The following PLXNA4 variants were observed in gnomAD, a reference collection of about 807,000 sequenced individuals.
PLXNA4 encodes the protein plexin A4.
Under a neutral mutation model 191.8 loss-of-function variants are expected in PLXNA4, and 44 were observed. The observed-to-expected ratio is 0.23, with a 90% CI of 0.18 to 0.29. The LOEUF is 0.29. PLXNA4 is among the 10% of genes least tolerant of loss of function. The pLI, the probability that PLXNA4 is intolerant of heterozygous loss-of-function variation, is 1.00. For missense variants in PLXNA4, 1,800 were observed against 2,488.8 expected (o/e 0.72, Z 5.89); for synonymous variants, 1,082 against 1,009.5 (o/e 1.07, Z -1.36).
chr7:132,555,469 C>G (rs760968635), intron 1 of PLXNA4, among the ~76,000 whole-genome samples: 1 of 152,182 alleles, frequency 6.6e-6, no homozygotes, highest in Non-Finnish European at 1.5e-5. Flanking sequence ...AGAAGCAGAA[C>G]TGACAAGCTT....
chr7:132,407,582 C>T (rs566993617), intron 3 of PLXNA4, among the ~76,000 whole-genome samples: 13 of 152,270 alleles, frequency 8.5e-5, no homozygotes, highest in Admixed American at 3.3e-4. Context: ...CCCAGCATGC[C>T]CCCTGGAAAC....
At chr7:132,194,725 G>C (rs571054025) in intron 13 of PLXNA4, among the ~76,000 whole-genome samples, 1 of 152,130 alleles carries the variant, frequency 6.6e-6, no homozygotes, top group Non-Finnish European at 1.5e-5. Flanking sequence ...GTGTGTATGC[G>C]TGTGTGAACT....
chr7:132,226,431 A>G (rs1798325693), intron 7 of PLXNA4, among the ~76,000 whole-genome samples, 171 bp from the exon 8 acceptor site: 1 of 152,222 alleles, frequency 6.6e-6, no homozygotes, highest in South Asian at 2.1e-4. Context: ...GCAGCTGCAG[A>G]GGGCAGTTCT....
chr7:132,562,998 C>T (rs1291298219), intron 1 of PLXNA4, among the ~76,000 whole-genome samples: 2 of 102,026 alleles, frequency 2.0e-5, no homozygotes, highest in Non-Finnish European at 2.0e-5. Context: ...CCTCCTCCTC[C>T]TCCTTCTCCT....
rs148819176 is a variant in PLXNA4, at chr7:132,145,293, A to G, written c.5056-5T>C. ...CACAAACTTCTGCAGTGTGCCCTGG[A>G]GAGGCAGGATACGTCCAGACACAGC... On this transcript the variant is annotated splice_region_variant and splice_polypyrimidine_tract_variant and intron_variant, in intron 28 of 31. Coordinates refer to ENST00000321063, the MANE Select transcript of PLXNA4 (RefSeq NM_020911.2). 5.0e-4 allele frequency: 803 copies of G among 1,614,058 alleles called. 6 individuals are homozygous for G. In the African/African-American group the frequency reaches 9.6e-3, roughly 19 times the overall value.
At chr7:132,513,210 G>A (rs1204841154) in intron 1 of PLXNA4, among the ~76,000 whole-genome samples, 9 of 152,196 alleles carry the variant, frequency 5.9e-5, no homozygotes, top group Admixed American at 3.9e-4. Context: ...TCATGAAATA[G>A]CACCATCCTC....
chr7:132,319,582 CT>C (rs1563032775), intron 3 of PLXNA4, among the ~76,000 whole-genome samples: 1 of 152,214 alleles, frequency 6.6e-6, no homozygotes, highest in African/African-American at 2.4e-5. Flanking sequence ...GTTTCCTACT[CT>C]CCAAACACAT....
chr7:132,354,528 G>A (rs747828067), intron 3 of PLXNA4, among the ~76,000 whole-genome samples: 4 of 152,102 alleles, frequency 2.6e-5, no homozygotes, highest in African/African-American at 7.2e-5. Flanking sequence ...TATCATCAGC[G>A]CTATTTAGCT....
intron 3 of PLXNA4, among the ~76,000 whole-genome samples, chr7:132,315,878 G>C (rs1801925718): frequency 6.6e-6 from 1 of 152,168 alleles, no homozygotes; most frequent in Admixed American, 6.5e-5. Context: ...AGTCAGCTGT[G>C]GTCAGGGCAT....
chr7:132,129,247 C>G lies in PLXNA4; in HGVS notation c.*1232G>C, dbSNP rs1016274895. The G allele has an allele frequency of 1.3e-5, 2 of 152,214 alleles. No individual in the cohort carries two copies. Among genetic ancestry groups the G allele is most frequent in the Admixed American group, 6.5e-5 (1 of 15,284 alleles). The allele number at this position is 152,214 out of a possible 1,614,324, so 9.4% of individuals were successfully genotyped here. On this transcript the variant is annotated 3_prime_UTR_variant, in exon 32 of 32. Coordinates refer to ENST00000321063, the MANE Select transcript of PLXNA4 (RefSeq NM_020911.2). ...AGTCTGTTTCTTTCAAGGATGACTG[C>G]TGAAGAGATGAGGAAGGAGAATGAT...
intron 14 of PLXNA4, among the ~76,000 whole-genome samples, chr7:132,191,613 G>A (rs1797089330): frequency 2.0e-5 from 3 of 152,154 alleles, no homozygotes; most frequent in Admixed American, 6.5e-5. Flanking sequence ...CCTCAGGATG[G>A]AAAGCTGCTC....
chr7:132,179,535 A>G (rs1796632607), intron 20 of PLXNA4, 152 bp downstream of exon 20: 1 of 1,083,474 alleles, frequency 9.2e-7, no homozygotes, highest in African/African-American at 1.6e-5. Context: ...ATTCGCACAG[A>G]CACACACACC....
intron 3 of PLXNA4, among the ~76,000 whole-genome samples, chr7:132,308,601 G>A (rs1319320494): frequency 6.6e-6 from 1 of 152,120 alleles, no homozygotes; most frequent in African/African-American, 2.4e-5. Flanking sequence ...AAGTCCAGGG[G>A]CAAACAGCGT....
chr7:132,290,046 C>T (rs1238486168), intron 4 of PLXNA4, among the ~76,000 whole-genome samples: 1 of 152,206 alleles, frequency 6.6e-6, no homozygotes, highest in Non-Finnish European at 1.5e-5. Flanking sequence ...AGGCCCACCT[C>T]CTCAGGCCCC....
At chr7:132,186,648 A>G (rs551735711) in intron 15 of PLXNA4, among the ~76,000 whole-genome samples, 9 of 152,340 alleles carry the variant, frequency 5.9e-5, no homozygotes, top group African/African-American at 2.2e-4. Context: ...ACCTGTGCAA[A>G]AATTTCTGAC....
chr7:132,267,057 T>C (rs905692086), intron 4 of PLXNA4, among the ~76,000 whole-genome samples: 2 of 152,180 alleles, frequency 1.3e-5, no homozygotes, highest in Admixed American at 1.3e-4. Flanking sequence ...CGGGAATTCC[T>C]GAAACTGTCG....
At chr7:132,402,593 C>A (rs752315559) in intron 3 of PLXNA4, among the ~76,000 whole-genome samples, 6 of 152,186 alleles carry the variant, frequency 3.9e-5, no homozygotes, top group Non-Finnish European at 8.8e-5. Flanking sequence ...GAAATACCCC[C>A]TGCCAAAAAC....
At chr7:132,221,623 T>C (rs535427711) in intron 9 of PLXNA4, among the ~76,000 whole-genome samples, 5 of 152,326 alleles carry the variant, frequency 3.3e-5, no homozygotes, top group Non-Finnish European at 7.3e-5. Context: ...TCATTCTTAT[T>C]ACCTTTATAT....
At chr7:132,143,176 A>G (rs1795319075) in intron 29 of PLXNA4, among the ~76,000 whole-genome samples, 1 of 152,124 alleles carries the variant, frequency 6.6e-6, no homozygotes, top group African/African-American at 2.4e-5. Context: ...ATCAGAGACA[A>G]TTAACTCCAA....
Sources: allele counts gnomAD v4.1 joint callset (sites outside exome capture counted in the v4.1 genomes callset), GRCh38; gene constraint gnomAD v4.1.1; transcripts MANE v1.5; gene names NCBI Gene and HGNC (gene_info 2026-07-23, HGNC 2026-07-21).